Variants in KEL observed in about 807,000 individuals in gnomAD.
KEL encodes the protein Kell metallo-endopeptidase (Kell blood group), also known as kell blood group glycoprotein.
A neutral mutation model predicts 99.5 loss-of-function variants in KEL; 96 were observed. The ratio of observed to expected loss-of-function variants is 0.97; its 90% CI spans 0.82 to 1.14. KEL has a LOEUF of 1.14. Ranked by LOEUF, KEL falls within the 50% of genes most tolerant of loss-of-function variation. KEL has a pLI of 0.00. For synonymous variants in KEL, 355 were observed against 354.8 expected (o/e 1.00, Z -0.01); for missense variants, 926 against 924.2 (o/e 1.00, Z -0.03).
chr7:142,942,199 G>A (rs1348699354), intron 18 of KEL: 14 of 580,660 alleles, frequency 2.4e-5, no homozygotes, highest in Non-Finnish European at 4.0e-5. Context: ...TGGGAATAGA[G>A]TTTTTTCTAC....
At chr7:142,950,750 A>G (rs1347347162) in intron 10 of KEL, among the ~76,000 whole-genome samples, 6 of 152,182 alleles carry the variant, frequency 3.9e-5, no homozygotes, top group African/African-American at 1.4e-4. Flanking sequence ...GTCGATATTT[A>G]CTATGTTGCC....
intron 10 of KEL, among the ~76,000 whole-genome samples, chr7:142,951,210 T>A (rs575671001): frequency 6.6e-6 from 1 of 151,732 alleles, no homozygotes; most frequent in South Asian, 2.1e-4. Flanking sequence ...CATCTAAGCC[T>A]TCTGCATTCT....
chr7:142,953,907 G>A lies in KEL; in HGVS notation c.974C>T (p.Thr325Ile). The A allele has an allele frequency of 6.2e-7, 1 of 1,614,162 alleles. No homozygotes were observed. The highest frequency in any genetic ancestry group is 1.3e-5 in the African/African-American group (1 of 75,048). Reference sequence around the variant, plus strand: ...CTGAGAAGGGCTCAGGGACATCGGTGTGAATGTCGCTTGCAAGCAGGACAA... The same window carrying A: ...CTGAGAAGGGCTCAGGGACATCGGTATGAATGTCGCTTGCAAGCAGGACAA... ...DWLSCLQATF[T>I]PMSLSPSQSL... The change falls in exon 9 of 19, where the codon ACA becomes ATA. Residue 325 changes from threonine to isoleucine, a missense_variant. Coordinates refer to ENST00000355265, the MANE Select transcript of KEL (RefSeq NM_000420.3).
rs776109413 is a variant in KEL, at chr7:142,954,228, C to T, written c.880G>A (p.Ala294Thr). 22 of 1,613,084 alleles carry T rather than the reference C, an allele frequency of 1.4e-5. No individual in the cohort carries two copies. The Admixed American group carries it at 1.5e-4, about 11-fold the overall frequency. Residue 294 changes from alanine to threonine, a missense_variant, in exon 8 of 19, where the codon GCA (alanine) becomes ACA (threonine). Physicochemically the swap from Ala to Thr is moderately conservative, Grantham distance 58. Transcript: ENST00000355265. The stretch of plus-strand genomic sequence containing the variant: ...ACCATCTGGAAGAGCTTGCCCTGTG[C>T]CCGCCGCTGCTCCAGGGGCCTCAGA... ...QFLRPLEQRR[A>T]QGKLFQMVTI... is the part of the protein sequence containing the mutation.
chr7:142,942,816 G>C, intron 17 of KEL, 59 bp downstream of exon 17: 3 of 1,595,058 alleles, frequency 1.9e-6, no homozygotes, highest in Non-Finnish European at 2.6e-6. Context: ...AGGAAAACTT[G>C]AGGACATGTT....
At chr7:142,943,650 C>A in intron 14 of KEL, 54 bp from the exon 15 acceptor site, 1 of 1,417,988 alleles carries the variant, frequency 7.1e-7, no homozygotes, top group Non-Finnish European at 9.8e-7. Flanking sequence ...GCCCTGCCAC[C>A]CTGAGACCTA....
Position 142,941,166 on chromosome 7 carries a change from G to T in KEL, c.*86C>A. 6.8e-7 allele frequency: 1 copy of T among 1,461,420 alleles called. No individual in the cohort carries two copies. Among genetic ancestry groups the T allele is most frequent in the Non-Finnish European group, 9.6e-7 (1 of 1,042,512 alleles). The allele number at this position is 1,461,420 out of a possible 1,614,324, so 90.5% of individuals were successfully genotyped here. ...AGCTTTTATTTTTGGAACAGAAGCA[G>T]AAAGGAAATCTTGCTCTGATTCCAT... is the stretch of plus-strand genomic sequence containing the variant. On this transcript the variant is annotated 3_prime_UTR_variant, in exon 19 of 19. Coordinates refer to ENST00000355265, the MANE Select transcript of KEL (RefSeq NM_000420.3).
At chr7:142,958,211 A>T in intron 5 of KEL, 93 bp downstream of exon 5, 99 of 1,525,250 alleles carry the variant, frequency 6.5e-5, no homozygotes, top group Middle Eastern at 2.2e-4. Context: ...TAGGAAGAAG[A>T]CCCACCCTCT....
chr7:142,947,317 G>T (rs987571062), intron 10 of KEL, among the ~76,000 whole-genome samples: 3 of 152,076 alleles, frequency 2.0e-5, no homozygotes, highest in African/African-American at 7.2e-5. Context: ...CACGGGGAAG[G>T]TAGGAAGGCT....
In KEL at chr7:142,961,040, A is replaced by C. The variant is rs375217998; in HGVS notation, c.288T>G (p.Ser96Arg). The stretch of plus-strand genomic sequence containing the variant: ...TGAAGAAGTCGGTGCAGGGGGCCAC[A>C]CTTGTGTTCCCAGAGGCCAGGTAAT... ...RDHYLASGNT[S>R]VAPCTDFFSF... Residue 96 changes from serine (S) to arginine (R), a missense_variant, in exon 4 of 19, where the codon AGT (serine) becomes AGG (arginine). By Grantham distance (110) the Ser-to-Arg change is moderately radical. Transcript: ENST00000355265. 1 of 1,614,200 alleles carries C rather than the reference A, an allele frequency of 6.2e-7. No individual in the cohort carries two copies. The highest frequency in any genetic ancestry group is 8.5e-7 in the Non-Finnish European group (1 of 1,180,030).
chr7:142,961,861 G>T lies in KEL; in HGVS notation c.15C>A (p.Asp5Glu). MEGG[D>E]QSEEEPRERS... ...GTTCCCTCGGCTCTTCCTCACTTTG[G>T]TCCCCACCTTCCTGAAGTGAGTGGA... Residue 5 changes from aspartate (D) to glutamate (E), a missense_variant, in exon 2 of 19, where the codon GAC becomes GAA. Asp to Glu is a conservative substitution (Grantham distance 45). Transcript: ENST00000355265. The T allele has an allele frequency of 1.2e-6, 2 of 1,614,018 alleles. No individual in the cohort carries two copies. Among genetic ancestry groups the T allele is most frequent in the Non-Finnish European group, 1.7e-6 (2 of 1,179,980 alleles).
chr7:142,943,554 T>C lies in KEL; in HGVS notation c.1635A>G (p.Val545=). The C allele has an allele frequency of 6.2e-7, 1 of 1,614,132 alleles. No homozygotes were observed. The highest frequency in any genetic ancestry group is 8.5e-7 in the Non-Finnish European group (1 of 1,179,994). ...CTGGAAAGACTACCACATGGTCAGA[T>C]ACCGAATAGTAAGCATTGACGTCCC... The part of the protein sequence containing the change: ...SPWDVNAYYS[V]SDHVVVFPAG... The change falls in exon 15 of 19, where the codon GTA becomes GTG. Residue 545 remains valine (V), a synonymous_variant. Transcript: ENST00000355265.
intron 18 of KEL, 50 bp downstream of exon 18, chr7:142,942,384 G>T: frequency 7.9e-7 from 1 of 1,263,294 alleles, no homozygotes; most frequent in Non-Finnish European, 1.1e-6. Context: ...CAGTAATAAG[G>T]CGTTCAACTG....
At chr7:142,959,933 G>C (rs1310518930) in intron 4 of KEL, among the ~76,000 whole-genome samples, 1 of 152,138 alleles carries the variant, frequency 6.6e-6, no homozygotes, top group African/African-American at 2.4e-5. Flanking sequence ...GATTCTAATT[G>C]ATAGTGTCAA....
rs1796513482 is a variant in KEL at position 142,945,990 on chromosome 7, T to C, written c.1314+217A>G. 13 of 594,674 alleles carry C rather than the reference T, an allele frequency of 2.2e-5. No individual in the cohort carries two copies. The South Asian group carries it at 2.6e-4, about 12-fold the overall frequency. 36.8% of individuals were successfully genotyped at this position (594,674 alleles called of 1,614,324 possible). On this transcript the variant is annotated intron_variant, in intron 11 of 18. Transcript: ENST00000355265. ...AGGAAAGTTGGGTGACTTGTCCAAG[T>C]GAGAGCATGTCATGGAGAATTTGTG... is the stretch of plus-strand genomic sequence containing the variant.
At chr7:142,952,120 G>C (rs764163271) in intron 10 of KEL, among the ~76,000 whole-genome samples, 1 of 152,112 alleles carries the variant, frequency 6.6e-6, no homozygotes, top group Non-Finnish European at 1.5e-5. Flanking sequence ...TAGACATAAG[G>C]AAGGCCACTG....
intron 6 of KEL, among the ~76,000 whole-genome samples, chr7:142,956,105 CA>C (rs1476223564): frequency 6.6e-6 from 1 of 152,184 alleles, no homozygotes; most frequent in East Asian, 1.9e-4. Flanking sequence ...AGAGACTATC[CA>C]GGCTCACACT....
In KEL at chr7:142,962,242, T is replaced by C; in HGVS notation, c.-36A>G. 1 of 1,613,832 alleles carries C rather than the reference T, an allele frequency of 6.2e-7. No individual in the cohort carries two copies. Among genetic ancestry groups the C allele is most frequent in the South Asian group, 1.1e-5 (1 of 91,080 alleles). On this transcript the variant is annotated 5_prime_UTR_variant, in exon 1 of 19. Coordinates refer to ENST00000355265, the MANE Select transcript of KEL (RefSeq NM_000420.3). ...TCTGTGGCTCCAGAATCCTTCCTGG[T>C]TCCACTCTAGGAGCTGATTCGGAGG...
At chr7:142,946,749 A>G in intron 10 of KEL, 2 of 252,164 alleles carry the variant, frequency 7.9e-6, no homozygotes, top group South Asian at 1.2e-4. Context: ...TTGCGGATGG[A>G]AATTCTGTCC....
Sources: allele counts gnomAD v4.1 joint callset (sites outside exome capture counted in the v4.1 genomes callset), GRCh38; gene constraint gnomAD v4.1.1; transcripts MANE v1.5; gene names NCBI Gene and HGNC (gene_info 2026-07-23, HGNC 2026-07-21).